The following AGAP1 variants were observed in gnomAD, a reference collection of about 807,000 sequenced individuals.
AGAP1 encodes the protein arf-GAP with GTPase, ANK repeat and PH domain-containing protein 1.
A neutral mutation model predicts 105.3 loss-of-function variants in AGAP1; 29 were observed. That is an observed-to-expected ratio of 0.28 (90% CI 0.21 to 0.38). The LOEUF is 0.38. Ranked by LOEUF, AGAP1 falls within the 10% of genes least tolerant of loss-of-function variation. The pLI is 1.00. For synonymous variants in AGAP1, 509 were observed against 485.9 expected (o/e 1.05, Z -0.63); for missense variants, 998 against 1,165.1 (o/e 0.86, Z 2.09).
intron 1 of AGAP1, among the ~76,000 whole-genome samples, chr2:235,546,088 A>T (rs974530328): frequency 6.6e-6 from 1 of 152,246 alleles, no homozygotes; most frequent in Non-Finnish European, 1.5e-5. Context: ...GAACTGGAAC[A>T]GTCTGTCTGT....
intron 9 of AGAP1, among the ~76,000 whole-genome samples, chr2:235,878,157 T>C (rs531083185): frequency 6.6e-6 from 1 of 152,188 alleles, no homozygotes; most frequent in East Asian, 1.9e-4. Context: ...GATCCTAAGA[T>C]CCATAGGAGG....
chr2:235,709,708 G>C (rs752473951), intron 2 of AGAP1, among the ~76,000 whole-genome samples: 18 of 152,202 alleles, frequency 1.2e-4, no homozygotes, highest in Non-Finnish European at 2.4e-4. Flanking sequence ...TTTACCCTGT[G>C]ACCAAGTATT....
intron 6 of AGAP1, among the ~76,000 whole-genome samples, chr2:235,761,595 T>A (rs1954442820): frequency 6.6e-6 from 1 of 152,232 alleles, no homozygotes; most frequent in South Asian, 2.1e-4. Flanking sequence ...TTTATTTTTG[T>A]TCATAATCTG....
intron 1 of AGAP1, 104 bp from the exon 2 acceptor site, chr2:235,709,075 C>T: frequency 8.7e-7 from 1 of 1,155,960 alleles, no homozygotes; most frequent in Non-Finnish European, 1.3e-6. Context: ...CTTGTCTGCA[C>T]CATCTTCAGT....
intron 1 of AGAP1, among the ~76,000 whole-genome samples, chr2:235,589,206 T>TGAGACGGAG (rs1553573669): frequency 9.3e-6 from 1 of 107,672 alleles, no homozygotes; most frequent in African/African-American, 5.1e-5. Context: ...TTTTTTTTTT[T>TGAGACGGAG]TTTTTTTTTT....
At chr2:236,064,835 A>G (rs2058302046) in intron 16 of AGAP1, among the ~76,000 whole-genome samples, 1 of 152,244 alleles carries the variant, frequency 6.6e-6, no homozygotes. Flanking sequence ...TTCATTCTAA[A>G]TTGCCAAACT....
At position 236,058,870 on chromosome 2, in the gene AGAP1, G is replaced by A. The variant is rs547555064; in HGVS notation, c.2114+9589G>A. Among the ~76,000 whole-genome samples, 39 of 152,288 alleles carry A rather than the reference G, an allele frequency of 2.6e-4. No homozygotes were observed. Among genetic ancestry groups the A allele is most frequent in the African/African-American group, 9.4e-4 (39 of 41,570 alleles). ...CAAAATTGAAGGATACAAGATCAAT[G>A]TGCAAAACTCTTAGCTGGCCATGGT... On this transcript the variant is annotated intron_variant, in intron 16 of 17. Coordinates refer to ENST00000304032, the MANE Select transcript of AGAP1 (RefSeq NM_001037131.3). The surrounding 1 kb of genome is among the most constrained non-coding windows in gnomAD (Gnocchi z 4.6).
intron 6 of AGAP1, among the ~76,000 whole-genome samples, chr2:235,763,959 C>T (rs1212373394): frequency 1.3e-5 from 2 of 152,318 alleles, no homozygotes; most frequent in Middle Eastern, 3.4e-3. Context: ...AGAATGCTGA[C>T]AGCACAGAGC....
At position 235,741,576 on chromosome 2, in the gene AGAP1, TC is replaced by T. The variant is rs143673701; in HGVS notation, c.396+530del. Reference sequence around the variant, plus strand: ...AGCATATTATGATTTCTTTGGAAGTTCCTGGAAAGATGGTCATTCTGGAAAT... The same window carrying T: ...AGCATATTATGATTTCTTTGGAAGTTCTGGAAAGATGGTCATTCTGGAAAT... On this transcript the variant is annotated intron_variant, in intron 4 of 17. Coordinates refer to ENST00000304032, the MANE Select transcript of AGAP1 (RefSeq NM_001037131.3). This position sits in a 1 kb window ranked among gnomAD's most constrained non-coding sequence, Gnocchi z 4.9. Among the ~76,000 whole-genome samples, 901 of 152,342 alleles carry T rather than the reference TC, an allele frequency of 5.9e-3. 2 individuals are homozygous for T. Among genetic ancestry groups the T allele is most frequent in the Middle Eastern group, 0.01 (3 of 294 alleles).
chr2:235,671,119 G>T, intron 1 of AGAP1: 1 of 1,239,558 alleles, frequency 8.1e-7, no homozygotes, highest in Admixed American at 4.2e-5. Context: ...TGCCGGTTCC[G>T]CAGCGGCTAT....
chr2:235,864,952 C>T lies in AGAP1; in HGVS notation c.1051-18393C>T, dbSNP rs750253281. Reference sequence around the variant, plus strand: ...CATACATCTCGTCGGCATTACTCATCGTCAACATGGGTTTTTAAAAGGGAA... The same window carrying T: ...CATACATCTCGTCGGCATTACTCATTGTCAACATGGGTTTTTAAAAGGGAA... On this transcript the variant is annotated intron_variant, in intron 9 of 17. Coordinates refer to ENST00000304032, the MANE Select transcript of AGAP1 (RefSeq NM_001037131.3). The surrounding 1 kb of genome is among the most constrained non-coding windows in gnomAD (Gnocchi z 5.0). Among the ~76,000 whole-genome samples, 3 of 152,118 alleles carry T rather than the reference C, an allele frequency of 2.0e-5. No individual in the cohort carries two copies. Among genetic ancestry groups the T allele is most frequent in the South Asian group, 2.1e-4 (1 of 4,826 alleles).
intron 9 of AGAP1, among the ~76,000 whole-genome samples, chr2:235,868,839 A>C (rs2049305117): frequency 6.6e-6 from 1 of 152,160 alleles, no homozygotes; most frequent in Admixed American, 6.5e-5. Flanking sequence ...GCTTTCAATG[A>C]CCTCTTGGGA....
chr2:235,904,452 G>A lies in AGAP1; in HGVS notation c.1156-4286G>A, dbSNP rs942545017. ...AGGGGCAGGAGATGGCACCTCTGGGGGGCCTGGCTCTTGAGTGGGCCCCAG... is the reference window on the plus strand; with the variant it reads ...AGGGGCAGGAGATGGCACCTCTGGGAGGCCTGGCTCTTGAGTGGGCCCCAG... On this transcript the variant is annotated intron_variant, in intron 10 of 17. Transcript: ENST00000304032. This position sits in a 1 kb window ranked among gnomAD's most constrained non-coding sequence, Gnocchi z 4.2. Among the ~76,000 whole-genome samples the A allele has an allele frequency of 1.3e-5, 2 of 152,160 alleles. No homozygotes were observed. The highest frequency in any genetic ancestry group is 4.8e-5 in the African/African-American group (2 of 41,438).
chr2:236,023,811 T>A (rs2056960986), intron 13 of AGAP1, among the ~76,000 whole-genome samples: 1 of 152,154 alleles, frequency 6.6e-6, no homozygotes, highest in African/African-American at 2.4e-5. Context: ...CTTAGCCTTG[T>A]GGACAGAACA....
At chr2:235,881,059 T>TG (rs2049997840) in intron 9 of AGAP1, among the ~76,000 whole-genome samples, 1 of 152,180 alleles carries the variant, frequency 6.6e-6, no homozygotes, top group Non-Finnish European at 1.5e-5. Context: ...AATAAGAACT[T>TG]GCAAAGAAAT....
chr2:235,997,511 A>G lies in AGAP1; in HGVS notation c.1645+28888A>G, dbSNP rs377335568. Reference sequence around the variant, plus strand: ...TGTTTGGTATTTTTGTAGCGCGGCCATACATTTTTGTGAGGCCTGGAGCCC... The same window carrying G: ...TGTTTGGTATTTTTGTAGCGCGGCCGTACATTTTTGTGAGGCCTGGAGCCC... On this transcript the variant is annotated intron_variant, in intron 13 of 17. Coordinates refer to ENST00000304032, the MANE Select transcript of AGAP1 (RefSeq NM_001037131.3). Among the ~76,000 whole-genome samples the G allele has an allele frequency of 3.0e-4, 46 of 152,284 alleles. No individual in the cohort carries two copies. In the East Asian group the frequency reaches 7.1e-3, roughly 24 times the overall value.
intron 1 of AGAP1, among the ~76,000 whole-genome samples, chr2:235,554,422 A>T (rs542918270): frequency 5.9e-5 from 9 of 152,256 alleles, no homozygotes; most frequent in African/African-American, 2.2e-4. Context: ...CCGGGCATTG[A>T]TTTCCTGGGA....
Position 236,082,199 on chromosome 2 carries a change from T to C in AGAP1, c.2114+32918T>C, listed in dbSNP as rs1304183480. ...CCTATCATTTTTCACCACGGGATAT[T>C]TACAGCTTCAATCAGTGCCAAATTC... On this transcript the variant is annotated intron_variant, in intron 16 of 17. Coordinates refer to ENST00000304032, the MANE Select transcript of AGAP1 (RefSeq NM_001037131.3). This position sits in a 1 kb window ranked among gnomAD's most constrained non-coding sequence, Gnocchi z 4.2. Among the ~76,000 whole-genome samples the C allele has an allele frequency of 6.6e-6, 1 of 152,238 alleles. No individual in the cohort carries two copies. The highest frequency in any genetic ancestry group is 1.9e-4 in the East Asian group (1 of 5,202).
chr2:235,569,101 C>CT lies in AGAP1; in HGVS notation c.163+74253dup, dbSNP rs1369375510. Among the ~76,000 whole-genome samples, 2 of 152,174 alleles carry CT rather than the reference C, an allele frequency of 1.3e-5. No homozygotes were observed. Among genetic ancestry groups the CT allele is most frequent in the African/African-American group, 2.4e-5 (1 of 41,444 alleles). ...TTGGGGGACCCATGATTCAGTTTCC[C>CT]TCACGTTGTCAGAGACCATCCTGGC... On this transcript the variant is annotated intron_variant, in intron 1 of 17. Transcript: ENST00000304032. The surrounding 1 kb of genome is among the most constrained non-coding windows in gnomAD (Gnocchi z 5.9).
Sources: allele counts gnomAD v4.1 joint callset (sites outside exome capture counted in the v4.1 genomes callset), GRCh38; gene constraint gnomAD v4.1.1; non-coding constraint Gnocchi (gnomAD v3.1); transcripts MANE v1.5; gene names NCBI Gene and HGNC (gene_info 2026-07-23, HGNC 2026-07-21).